The following EEA1 variants were observed in gnomAD, a reference collection of about 807,000 sequenced individuals.
EEA1 encodes the protein early endosome antigen 1, 162kD.
A neutral mutation model predicts 209.2 loss-of-function variants in EEA1; 111 were observed. The observed-to-expected ratio is 0.53, with a 90% CI of 0.45 to 0.62. The LOEUF (loss-of-function observed/expected upper bound fraction) is 0.62. Among genes scored for constraint, EEA1 ranks in the 20% least tolerant of loss-of-function variants. The pLI is 0.00. For missense variants in EEA1, 1,343 were observed against 1,530.8 expected (o/e 0.88, Z 2.05); for synonymous variants, 536 against 540.6 (o/e 0.99, Z 0.12).
intron 13 of EEA1, among the ~76,000 whole-genome samples, chr12:92,820,291 C>T (rs1875983506): frequency 6.6e-6 from 1 of 152,094 alleles, no homozygotes; most frequent in African/African-American, 2.4e-5. Context: ...CAAGAGATCC[C>T]TCTTCTTTTA....
chr12:92,798,311 C>T (rs1874744648), intron 21 of EEA1, among the ~76,000 whole-genome samples: 2 of 151,728 alleles, frequency 1.3e-5, no homozygotes, highest in Non-Finnish European at 2.9e-5. Context: ...ATGAATGTTG[C>T]ATAAATTATT....
intron 1 of EEA1, among the ~76,000 whole-genome samples, chr12:92,926,482 T>C (rs1401220192): frequency 6.6e-6 from 1 of 152,222 alleles, no homozygotes; most frequent in Admixed American, 6.5e-5. Context: ...CTTGTAGAGT[T>C]AATAAAATAT....
chr12:92,893,838 T>TTAATAGCCA (rs1373359352), intron 1 of EEA1, among the ~76,000 whole-genome samples: 1 of 152,222 alleles, frequency 6.6e-6, no homozygotes, highest in Non-Finnish European at 1.5e-5. Flanking sequence ...AACCTCCAGT[T>TTAATAGCCA]TAATAGCCAG....
At position 92,774,233 on chromosome 12, in the gene EEA1, T is replaced by G. The variant is rs1414553593; in HGVS notation, c.*1778A>C. ...TATTTTTAATAAAGAGCCACTGTATTTCTTCATTATATATGTTCAAGGATA... is the reference window on the plus strand; with the variant it reads ...TATTTTTAATAAAGAGCCACTGTATGTCTTCATTATATATGTTCAAGGATA... On this transcript the variant is annotated 3_prime_UTR_variant, in exon 29 of 29. Coordinates refer to ENST00000322349, the MANE Select transcript of EEA1 (RefSeq NM_003566.4). 6.6e-6 allele frequency: 1 copy of G among 151,496 alleles called. No homozygotes were observed. Among genetic ancestry groups the G allele is most frequent in the Non-Finnish European group, 1.5e-5 (1 of 67,564 alleles). The allele number at this position is 151,496 out of a possible 1,614,324, so 9.4% of individuals were successfully genotyped here. A position where few individuals can be genotyped will look rare whatever the true frequency, so the allele number is the denominator to read the frequency against.
chr12:92,895,191 T>C (rs1441041235), intron 1 of EEA1, among the ~76,000 whole-genome samples: 1 of 101,950 alleles, frequency 9.8e-6, no homozygotes, highest in Non-Finnish European at 1.9e-5. Flanking sequence ...AGTCTCACTC[T>C]GTCGCCCAGG....
Position 92,789,639 on chromosome 12 carries a change from C to A in EEA1, c.2968-1590G>T, listed in dbSNP as rs182014808. ...CCAGGAAGCTCGAACTGGGTGGAGC[C>A]CACCACAGCTCAACAAGCCCTACTG... On this transcript the variant is annotated intron_variant, in intron 21 of 28. Coordinates refer to ENST00000322349, the MANE Select transcript of EEA1 (RefSeq NM_003566.4). 1.0e-3 allele frequency among the ~76,000 whole-genome samples: 154 copies of A among 152,234 alleles called. 1 individual carries two copies. Among genetic ancestry groups the A allele is most frequent in the African/African-American group, 3.3e-3 (138 of 41,548 alleles).
chr12:92,815,454 G>C (rs536371922), intron 15 of EEA1, among the ~76,000 whole-genome samples: 13 of 152,162 alleles, frequency 8.5e-5, no homozygotes, highest in Middle Eastern at 6.8e-3. Flanking sequence ...TTTTAAAAAA[G>C]AAAGAAATGT....
rs372483064 is a variant in EEA1, at chr12:92,788,950, G to C, written c.2968-901C>G. Among the ~76,000 whole-genome samples, 148 of 152,216 alleles carry C rather than the reference G, an allele frequency of 9.7e-4. 1 individual carries two copies. The highest frequency in any genetic ancestry group is 2.4e-3 in the Admixed American group (37 of 15,266). ...CTTCTGTGAATGTTGAGACACCCCA[G>C]AGTTCTATTGCTGGCCCTCTTTTAA... is the stretch of plus-strand genomic sequence containing the variant. On this transcript the variant is annotated intron_variant, in intron 21 of 28. Coordinates refer to ENST00000322349, the MANE Select transcript of EEA1 (RefSeq NM_003566.4).
intron 2 of EEA1, among the ~76,000 whole-genome samples, chr12:92,866,072 G>A (rs1375524341): frequency 1.3e-5 from 2 of 151,120 alleles, no homozygotes; most frequent in African/African-American, 4.9e-5. Context: ...CACACGTGTA[G>A]TCCCAGCTAC....
At chr12:92,916,345 T>C (rs910525058) in intron 1 of EEA1, among the ~76,000 whole-genome samples, 4 of 151,984 alleles carry the variant, frequency 2.6e-5, no homozygotes, top group African/African-American at 9.7e-5. Context: ...CTCAAAATCA[T>C]GGACTGTGAA....
Position 92,777,528 on chromosome 12 carries a change from C to G in EEA1, c.4014+15G>C, listed in dbSNP as rs1047138407. 12 of 1,603,328 alleles carry G rather than the reference C, an allele frequency of 7.5e-6. No homozygotes were observed. Among genetic ancestry groups the G allele is most frequent in the Non-Finnish European group, 1.0e-5 (12 of 1,175,460 alleles). On this transcript the variant is annotated intron_variant, in intron 27 of 28. Coordinates refer to ENST00000322349, the MANE Select transcript of EEA1 (RefSeq NM_003566.4). ...TCTAGACTAAAAAACTGCTTCATAT[C>G]CATAGGTGACTGACCTGAAGTGATT...
intron 21 of EEA1, among the ~76,000 whole-genome samples, chr12:92,795,085 TTC>T (rs1054124312): frequency 1.3e-5 from 2 of 152,188 alleles, no homozygotes; most frequent in African/African-American, 4.8e-5. Context: ...AACCCCACCA[TTC>T]TCTGTTCTAA....
rs115636071 is a variant in EEA1 at position 92,857,120 on chromosome 12, A to T, written c.366+155T>A. ...AAAATTACATCTTCACTCCTCATAC[A>T]TTTGTTTGCATTCATCAGAATTCAA... On this transcript the variant is annotated intron_variant, in intron 5 of 28. Transcript: ENST00000322349. Among the ~76,000 whole-genome samples, 1,212 of 152,034 alleles carry T rather than the reference A, an allele frequency of 8.0e-3. 25 individuals carry two copies. Among genetic ancestry groups the T allele is most frequent in the African/African-American group, 0.027 (1,115 of 41,466 alleles).
intron 19 of EEA1, 28 bp from the exon 20 acceptor site, chr12:92,801,729 T>TA (rs1565813660): frequency 3.5e-6 from 5 of 1,427,218 alleles, no homozygotes; most frequent in Admixed American, 2.3e-5. Context: ...CTATATTACA[T>TA]AAAAAATATT....
intron 1 of EEA1, among the ~76,000 whole-genome samples, chr12:92,892,107 T>C (rs928803539): frequency 3.9e-5 from 6 of 152,124 alleles, no homozygotes; most frequent in African/African-American, 1.4e-4. Context: ...TGGTTGTTTT[T>C]TGAGTTGGGG....
intron 21 of EEA1, among the ~76,000 whole-genome samples, chr12:92,794,035 A>AAAAAAC (rs1874535563): frequency 6.6e-6 from 1 of 152,218 alleles, no homozygotes; most frequent in Admixed American, 6.5e-5. Context: ...ATTTACAAGA[A>AAAAAAC]AAAAACAAAC....
chr12:92,788,061 A>G lies in EEA1; in HGVS notation c.2968-12T>C. The G allele has an allele frequency of 1.3e-6, 2 of 1,551,366 alleles. No homozygotes were observed. Among genetic ancestry groups the G allele is most frequent in the Admixed American group, 2.1e-5 (1 of 48,316 alleles). On this transcript the variant is annotated splice_polypyrimidine_tract_variant and intron_variant, in intron 21 of 28. Transcript: ENST00000322349. ...TTCTCAAGCTCTGTCTGAAACATACAATAGTTATTTAAAACAGTATGCATT... is the reference window on the plus strand; with the variant it reads ...TTCTCAAGCTCTGTCTGAAACATACGATAGTTATTTAAAACAGTATGCATT...
At chr12:92,908,482 A>T (rs183186472) in intron 1 of EEA1, among the ~76,000 whole-genome samples, 36 of 152,306 alleles carry the variant, frequency 2.4e-4, no homozygotes, top group South Asian at 1.9e-3. Context: ...TTTAAAAAAA[A>T]TTTTTTTAAA....
intron 13 of EEA1, among the ~76,000 whole-genome samples, chr12:92,823,682 C>T (rs949340252): frequency 6.6e-6 from 1 of 152,184 alleles, no homozygotes; most frequent in Non-Finnish European, 1.5e-5. Flanking sequence ...CCTCTTTCAT[C>T]CTTTCTGTAT....
Sources: gnomAD v4.1 joint callset for allele counts (sites outside exome capture counted in the v4.1 genomes callset) on GRCh38, gnomAD v4.1.1 for gene constraint, MANE v1.5 for transcripts, NCBI Gene and HGNC (gene_info 2026-07-23, HGNC 2026-07-21) for gene names.